MBNL1: variants seen among roughly 807,000 people sequenced by gnomAD.
MBNL1 encodes the protein muscleblind like splicing regulator 1, also known as muscleblind-like protein 1.
MBNL1 carries 8 observed loss-of-function variants against 42.2 expected under a neutral mutation model. The observed-to-expected ratio is 0.19, with a 90% CI of 0.11 to 0.34. The LOEUF (loss-of-function observed/expected upper bound fraction) is 0.34, where lower values mean the gene tolerates loss of function less well. Ranked by LOEUF, MBNL1 falls within the 10% of genes least tolerant of loss-of-function variation. The pLI is 1.00. For synonymous variants in MBNL1, 169 were observed against 173.9 expected (o/e 0.97, Z 0.22); for missense variants, 309 against 495.3 (o/e 0.62, Z 3.57).
chr3:152,373,899 G>C (rs938270597), intron 2 of MBNL1, among the ~76,000 whole-genome samples: 1 of 152,174 alleles, frequency 6.6e-6, no homozygotes, highest in Admixed American at 6.5e-5. Context: ...TACAAAAGTA[G>C]AGAGAATAGT....
chr3:152,371,575 A>C (rs548393043), intron 2 of MBNL1, among the ~76,000 whole-genome samples: 8 of 152,320 alleles, frequency 5.3e-5, no homozygotes, highest in African/African-American at 1.9e-4. Flanking sequence ...CAGCCTGGGC[A>C]ACAAGAGTGA....
intron 2 of MBNL1, among the ~76,000 whole-genome samples, chr3:152,336,059 A>C (rs1439593907): frequency 6.6e-6 from 1 of 152,202 alleles, no homozygotes; most frequent in African/African-American, 2.4e-5. Context: ...AACTGTGAGC[A>C]CATTCATCAA....
At chr3:152,393,450 TA>T (rs1239271898) in intron 2 of MBNL1, among the ~76,000 whole-genome samples, 2 of 152,204 alleles carry the variant, frequency 1.3e-5, no homozygotes, top group Non-Finnish European at 2.9e-5. Context: ...AGCAAAGAGC[TA>T]AAAGTCTCTG....
chr3:152,260,372 G>A (rs572509853), intron 2 of MBNL1, among the ~76,000 whole-genome samples: 5 of 152,286 alleles, frequency 3.3e-5, no homozygotes, highest in African/African-American at 1.2e-4. Flanking sequence ...GCACATTCAC[G>A]AAGGCCATAA....
At chr3:152,277,511 T>C (rs1042625047) in intron 1 of MBNL1, among the ~76,000 whole-genome samples, 8 of 152,166 alleles carry the variant, frequency 5.3e-5, no homozygotes, top group Non-Finnish European at 4.4e-5. Context: ...GGGCATTCTT[T>C]TTCCTGGAAC....
At chr3:152,256,152 A>T (rs1005069627) in intron 2 of MBNL1, among the ~76,000 whole-genome samples, 33 of 152,354 alleles carry the variant, frequency 2.2e-4, no homozygotes, top group African/African-American at 7.5e-4. Context: ...AGAAACAGGA[A>T]TTACTACATA....
intron 2 of MBNL1, chr3:152,340,301 C>A (rs926175681): frequency 1.2e-5 from 6 of 518,346 alleles, no homozygotes; most frequent in African/African-American, 5.8e-5. Flanking sequence ...TAGAGTGAGA[C>A]CTTGTCTCAA....
intron 2 of MBNL1, among the ~76,000 whole-genome samples, chr3:152,365,054 A>G (rs867309835): frequency 1.3e-5 from 2 of 152,134 alleles, no homozygotes; most frequent in Non-Finnish European, 2.9e-5. Flanking sequence ...CAGACACTGT[A>G]TAATGCCAAA....
intron 1 of MBNL1, among the ~76,000 whole-genome samples, chr3:152,296,219 A>G (rs1360259490): frequency 6.6e-6 from 1 of 152,208 alleles, no homozygotes; most frequent in East Asian, 1.9e-4. Context: ...TCCTCCTGCC[A>G]TGTCACCGTC....
At chr3:152,410,438 C>T (rs954303227) in intron 2 of MBNL1, among the ~76,000 whole-genome samples, 3 of 152,120 alleles carry the variant, frequency 2.0e-5, no homozygotes, top group Non-Finnish European at 2.9e-5. Context: ...TTGAAAAGTA[C>T]AGAAAAAATA....
intron 2 of MBNL1, among the ~76,000 whole-genome samples, chr3:152,390,613 GCACACACACA>G (rs3220073): frequency 8.5e-4 from 125 of 147,252 alleles, no homozygotes; most frequent in African/African-American, 2.2e-3. Flanking sequence ...GTATTGTTAT[GCACACACACA>G]CACACACACA....
chr3:152,411,842 A>G (rs550068856), intron 2 of MBNL1, among the ~76,000 whole-genome samples: 2 of 152,322 alleles, frequency 1.3e-5, no homozygotes, highest in South Asian at 4.1e-4. Flanking sequence ...TCATGTATTT[A>G]AATGACTGAC....
At chr3:152,396,625 G>A (rs776301737) in intron 2 of MBNL1, among the ~76,000 whole-genome samples, 35 of 151,944 alleles carry the variant, frequency 2.3e-4, no homozygotes, top group African/African-American at 7.5e-4. Context: ...GTTTCACAGC[G>A]CACTTCATAT....
At chr3:152,342,003 ATTATT>A (rs1161570601) in intron 2 of MBNL1, among the ~76,000 whole-genome samples, 1 of 152,156 alleles carries the variant, frequency 6.6e-6, no homozygotes, top group Non-Finnish European at 1.5e-5. Flanking sequence ...CATTACAATG[ATTATT>A]TTATTTATTT....
At chr3:152,442,724 T>A (rs143975650) in intron 4 of MBNL1, among the ~76,000 whole-genome samples, 1 of 152,232 alleles carries the variant, frequency 6.6e-6, no homozygotes, top group Non-Finnish European at 1.5e-5. Flanking sequence ...TTATTGATGA[T>A]GTCTATTAGG....
At chr3:152,287,511 A>G (rs190490096) in intron 1 of MBNL1, among the ~76,000 whole-genome samples, 5 of 152,150 alleles carry the variant, frequency 3.3e-5, no homozygotes, top group African/African-American at 9.7e-5. Flanking sequence ...ATGGTTGCCA[A>G]AATTTAATGG....
intron 2 of MBNL1, among the ~76,000 whole-genome samples, chr3:152,325,793 C>CT (rs35001363): frequency 0.71 from 101,376 of 143,474 alleles, 36,237 homozygotes; most frequent in East Asian, 0.99. Context: ...TGAACTCATT[C>CT]TTTTTTTTTT....
At chr3:152,318,441 T>A (rs2073777068) in intron 2 of MBNL1, among the ~76,000 whole-genome samples, 1 of 152,222 alleles carries the variant, frequency 6.6e-6, no homozygotes, top group Admixed American at 6.5e-5. Context: ...TGAGCTATGT[T>A]TTTTATTTCA....
At chr3:152,261,166 G>A (rs1380154945) in intron 2 of MBNL1, among the ~76,000 whole-genome samples, 3 of 152,082 alleles carry the variant, frequency 2.0e-5, no homozygotes, top group Non-Finnish European at 2.9e-5. Flanking sequence ...AGATACAGAC[G>A]CTTGGATGCC....
Sources: gnomAD v4.1 joint callset for allele counts (sites outside exome capture counted in the v4.1 genomes callset) on GRCh38, gnomAD v4.1.1 for gene constraint, MANE v1.5 for transcripts, NCBI Gene and HGNC (gene_info 2026-07-23, HGNC 2026-07-21) for gene names.